CATSPERB: variants seen among roughly 807,000 people sequenced by gnomAD.
CATSPERB encodes catsper channel auxiliary subunit beta, also known as cation channel sperm-associated auxiliary subunit beta.
CATSPERB carries 93 observed loss-of-function variants against 128.3 expected under a neutral mutation model. The observed-to-expected ratio is 0.72, with a 90% CI of 0.61 to 0.86. The LOEUF is 0.86. CATSPERB is among the 40% of genes least tolerant of loss of function. CATSPERB has a pLI of 0.00. For missense variants in CATSPERB, 1,153 were observed against 1,329.5 expected (o/e 0.87, Z 2.06); for synonymous variants, 381 against 448.8 (o/e 0.85, Z 1.91).
At chr14:91,602,654 A>C (rs1241645516) in intron 22 of CATSPERB, among the ~76,000 whole-genome samples, 2 of 152,166 alleles carry the variant, frequency 1.3e-5, no homozygotes, top group Non-Finnish European at 1.5e-5. Context: ...TACAAAAAAA[A>C]ACAAAAATAA....
chr14:91,657,040 G>A (rs1894801120), intron 15 of CATSPERB, among the ~76,000 whole-genome samples: 1 of 152,052 alleles, frequency 6.6e-6, no homozygotes. Context: ...TAAGGAAAGA[G>A]ATAGATCCCA....
chr14:91,695,316 G>C (rs1038146060), intron 7 of CATSPERB, among the ~76,000 whole-genome samples: 2 of 151,744 alleles, frequency 1.3e-5, no homozygotes, highest in East Asian at 3.9e-4. Context: ...TTTTTGGTAG[G>C]GACAGGGTTT....
intron 18 of CATSPERB, among the ~76,000 whole-genome samples, chr14:91,622,511 A>G (rs1285635): frequency 0.74 from 112,818 of 152,118 alleles, 42,414 homozygotes; most frequent in East Asian, 0.97. Context: ...AAAATCAGAG[A>G]AGACATCAAT....
At chr14:91,717,762 A>G (rs1895966836) in intron 5 of CATSPERB, among the ~76,000 whole-genome samples, 1 of 152,202 alleles carries the variant, frequency 6.6e-6, no homozygotes, top group Admixed American at 6.5e-5. Context: ...CATAATACTC[A>G]TATTCATGCC....
chr14:91,673,198 G>A (rs1000301309), intron 12 of CATSPERB, among the ~76,000 whole-genome samples, 182 bp from the exon 13 acceptor site: 3 of 141,444 alleles, frequency 2.1e-5, no homozygotes, highest in Admixed American at 7.0e-5. Flanking sequence ...GTCTTAAAAC[G>A]TTTTTCTCAT....
At chr14:91,704,030 A>G (rs1055903832) in intron 7 of CATSPERB, among the ~76,000 whole-genome samples, 1 of 152,160 alleles carries the variant, frequency 6.6e-6, no homozygotes, top group African/African-American at 2.4e-5. Context: ...ATTGTATTAA[A>G]TCATAGGACA....
At chr14:91,652,060 G>C (rs1385982440) in intron 15 of CATSPERB, among the ~76,000 whole-genome samples, 1 of 152,070 alleles carries the variant, frequency 6.6e-6, no homozygotes, top group African/African-American at 2.4e-5. Context: ...GAAGTAAAAA[G>C]TGCTAACCAT....
intron 15 of CATSPERB, among the ~76,000 whole-genome samples, chr14:91,652,861 T>C (rs1369780416): frequency 1.3e-5 from 2 of 152,126 alleles, no homozygotes; most frequent in Admixed American, 6.5e-5. Flanking sequence ...TCTCAACACA[T>C]GATTCAGACA....
chr14:91,706,824 C>T (rs533168264), intron 6 of CATSPERB, among the ~76,000 whole-genome samples: 2 of 152,252 alleles, frequency 1.3e-5, no homozygotes, highest in African/African-American at 4.8e-5. Flanking sequence ...TTTCCCCCAT[C>T]TTAGTCCACC....
intron 5 of CATSPERB, among the ~76,000 whole-genome samples, chr14:91,711,479 C>T (rs879766998): frequency 1.3e-5 from 2 of 152,200 alleles, no homozygotes; most frequent in African/African-American, 4.8e-5. Flanking sequence ...GATCTGCCCA[C>T]CTTGACCTCC....
chr14:91,715,552 C>CAAAA (rs57554614), intron 5 of CATSPERB, among the ~76,000 whole-genome samples: 4 of 45,606 alleles, frequency 8.8e-5, no homozygotes, highest in Non-Finnish European at 1.4e-4. Context: ...GACTCCATCT[C>CAAAA]AAAAAAAAAA....
intron 17 of CATSPERB, 63 bp downstream of exon 17, chr14:91,636,362 C>CA: frequency 6.6e-7 from 1 of 1,519,196 alleles, no homozygotes; most frequent in Non-Finnish European, 9.0e-7. Flanking sequence ...GACCCTATCT[C>CA]AAAAAATTTA....
At chr14:91,714,990 T>C (rs1178238583) in intron 5 of CATSPERB, 2 of 153,722 alleles carry the variant, frequency 1.3e-5, no homozygotes, top group Non-Finnish European at 2.9e-5. Context: ...AAATGGCAGT[T>C]GCGGCCAACC....
intron 22 of CATSPERB, among the ~76,000 whole-genome samples, chr14:91,607,879 C>T (rs887461490): frequency 6.6e-6 from 1 of 151,830 alleles, no homozygotes; most frequent in Non-Finnish European, 1.5e-5. Context: ...TTTAGAGAGG[C>T]AGGGTGCTGC....
chr14:91,581,696 G>C (rs1001214006), intron 26 of CATSPERB, among the ~76,000 whole-genome samples: 5 of 152,220 alleles, frequency 3.3e-5, no homozygotes, highest in African/African-American at 1.2e-4. Context: ...AGGACAGATA[G>C]GATTATTGAC....
intron 22 of CATSPERB, among the ~76,000 whole-genome samples, chr14:91,594,871 C>G (rs1893476244): frequency 6.6e-6 from 1 of 152,096 alleles, no homozygotes; most frequent in Admixed American, 6.5e-5. Flanking sequence ...GTTATTTTCT[C>G]CTGAAGTTTA....
rs1282559538 is a variant in CATSPERB at position 91,693,055 on chromosome 14, T to C, written c.831+71A>G. 25 of 1,049,630 alleles carry C rather than the reference T, an allele frequency of 2.4e-5. No individual in the cohort carries two copies. The Admixed American group carries it at 5.1e-4, about 21-fold the overall frequency. 65.0% of individuals were successfully genotyped at this position (1,049,630 alleles called of 1,614,324 possible). A position where few individuals can be genotyped will look rare whatever the true frequency, so the allele number is the denominator to read the frequency against. On this transcript the variant is annotated intron_variant, in intron 9 of 26. Transcript: ENST00000256343. Reference sequence around the variant, plus strand: ...TAAGATACACCACACATAACTCAAGTATTAAATATTTCTTTTTGTGTCACA... The same window carrying C: ...TAAGATACACCACACATAACTCAAGCATTAAATATTTCTTTTTGTGTCACA...
In CATSPERB at chr14:91,668,805, C is replaced by G. The variant is rs558871654; in HGVS notation, c.1287+1009G>C. ...AGCTTCACTCCTGAAGTCAGCGAGA[C>G]CACGCACCCACCAGAAGGAAGAAAC... On this transcript the variant is annotated intron_variant, in intron 14 of 26. Coordinates refer to ENST00000256343, the MANE Select transcript of CATSPERB (RefSeq NM_024764.4). 5.3e-5 allele frequency among the ~76,000 whole-genome samples: 8 copies of G among 152,296 alleles called. No individual in the cohort carries two copies. The South Asian group carries it at 1.2e-3, about 24-fold the overall frequency.
intron 22 of CATSPERB, 40 bp from the exon 23 acceptor site, chr14:91,592,042 G>T: frequency 1.6e-6 from 2 of 1,282,574 alleles, no homozygotes; most frequent in Non-Finnish European, 2.3e-6. Flanking sequence ...GTTTTTCTGC[G>T]TTGCGGGATT....
Sources: gnomAD v4.1 joint callset for allele counts (sites outside exome capture counted in the v4.1 genomes callset) on GRCh38, gnomAD v4.1.1 for gene constraint, MANE v1.5 for transcripts, NCBI Gene and HGNC (gene_info 2026-07-23, HGNC 2026-07-21) for gene names.